Variants in PPARGC1A observed in about 807,000 individuals in gnomAD.
PPARGC1A encodes the protein PPARG coactivator 1 alpha, also known as peroxisome proliferator-activated receptor gamma coactivator 1-alpha.
In PPARGC1A, 25 loss-of-function variants were observed where a neutral mutation model predicts 88.7. The observed-to-expected ratio is 0.28, with a 90% CI of 0.21 to 0.39. The LOEUF (loss-of-function observed/expected upper bound fraction) is 0.39. PPARGC1A is among the 10% of genes least tolerant of loss of function. The probability of loss-of-function intolerance (pLI) is 1.00; values close to 1 mark genes in which losing one functional copy is unlikely to be tolerated. For synonymous variants in PPARGC1A, 363 were observed against 355.6 expected, an observed-to-expected ratio of 1.02 and a Z score of -0.24; for missense variants, 880 against 968.7, an observed-to-expected ratio of 0.91 and a Z score of 1.22.
chr4:24,049,164 G>A, the PPARGC1A span, among the ~76,000 whole-genome samples: 1 of 150,176 alleles, frequency 6.7e-6, no homozygotes, highest in Non-Finnish European at 1.5e-5. Context: ...GTGTGTGTAA[G>A]AGGGAGAAAG....
chr4:24,317,554 C>CAAAAAAAAAAAAAAAAA, the PPARGC1A span, among the ~76,000 whole-genome samples: 27 of 14,286 alleles, frequency 1.9e-3, no homozygotes, highest in Admixed American at 5.1e-3. Flanking sequence ...GTTCAGAGGA[C>CAAAAAAAAAAAAAAAAA]TAAAAAAAAA....
the PPARGC1A span, among the ~76,000 whole-genome samples, chr4:24,412,466 A>C: frequency 2.6e-5 from 4 of 152,128 alleles, no homozygotes; most frequent in Non-Finnish European, 5.9e-5. Flanking sequence ...ATTGTTGGTA[A>C]ATAAAATTTT....
chr4:24,013,153 G>A, the PPARGC1A span, among the ~76,000 whole-genome samples: 25 of 152,264 alleles, frequency 1.6e-4, no homozygotes, highest in East Asian at 4.1e-3. Flanking sequence ...TAAGACGGAC[G>A]TGGCTCCTAC....
chr4:24,249,569 A>G, the PPARGC1A span, among the ~76,000 whole-genome samples: 1 of 152,304 alleles, frequency 6.6e-6, no homozygotes, highest in Middle Eastern at 3.4e-3. Flanking sequence ...ACAGTCAGAG[A>G]AGGAGGAACT....
chr4:24,034,070 G>A, the PPARGC1A span, among the ~76,000 whole-genome samples: 76 of 152,258 alleles, frequency 5.0e-4, no homozygotes, highest in South Asian at 0.012. Flanking sequence ...AAATAATTAC[G>A]TAGGTATCTG....
At chr4:24,381,851 C>A in the PPARGC1A span, among the ~76,000 whole-genome samples, 1 of 152,172 alleles carries the variant, frequency 6.6e-6, no homozygotes, top group Non-Finnish European at 1.5e-5. Flanking sequence ...TTTTATAGTA[C>A]AAAGTAGTTG....
chr4:24,330,089 C>G, the PPARGC1A span, among the ~76,000 whole-genome samples: 1 of 152,136 alleles, frequency 6.6e-6, no homozygotes, highest in Non-Finnish European at 1.5e-5. Flanking sequence ...TCAGTATTCT[C>G]TACTGATCTA....
the PPARGC1A span, among the ~76,000 whole-genome samples, chr4:24,328,699 GT>G: frequency 2.0e-5 from 3 of 151,960 alleles, no homozygotes; most frequent in East Asian, 3.9e-4. Flanking sequence ...AACTTGAGGG[GT>G]TTTTTTTCCA....
chr4:24,077,662 TG>T, the PPARGC1A span, among the ~76,000 whole-genome samples: 63 of 149,260 alleles, frequency 4.2e-4, 1 homozygote, highest in South Asian at 8.5e-4. Context: ...TGTGTGTGTG[TG>T]TGTGTGTGTT....
At chr4:24,327,107 T>C in the PPARGC1A span, among the ~76,000 whole-genome samples, 3 of 152,190 alleles carry the variant, frequency 2.0e-5, no homozygotes, top group Admixed American at 6.5e-5. Flanking sequence ...TAAAAAGGAC[T>C]GGACAATACT....
At chr4:23,919,258 A>G in the PPARGC1A span, among the ~76,000 whole-genome samples, 1 of 152,184 alleles carries the variant, frequency 6.6e-6, no homozygotes, top group Non-Finnish European at 1.5e-5. Context: ...GTCCTTATAA[A>G]TGGTAGTTTG....
chr4:24,011,227 G>T, the PPARGC1A span, among the ~76,000 whole-genome samples: 212 of 152,190 alleles, frequency 1.4e-3, no homozygotes, highest in African/African-American at 4.6e-3. Flanking sequence ...AAAACTTTCT[G>T]TCCCTTCTCT....
the PPARGC1A span, among the ~76,000 whole-genome samples, chr4:24,235,362 C>T: frequency 6.6e-6 from 1 of 152,164 alleles, no homozygotes; most frequent in Non-Finnish European, 1.5e-5. Context: ...CTGGGGCAGA[C>T]ATGGTCTTTC....
chr4:24,145,957 A>G, the PPARGC1A span, among the ~76,000 whole-genome samples: 1 of 152,182 alleles, frequency 6.6e-6, no homozygotes, highest in Non-Finnish European at 1.5e-5. Flanking sequence ...AGGTCCCAGG[A>G]GTATTTTCAT....
the PPARGC1A span, among the ~76,000 whole-genome samples, chr4:24,438,636 T>C: frequency 9.9e-5 from 15 of 152,192 alleles, no homozygotes; most frequent in Non-Finnish European, 2.2e-4. Context: ...GGCGCTATAA[T>C]GATAAACATT....
the PPARGC1A span, among the ~76,000 whole-genome samples, chr4:24,459,930 A>C: frequency 2.6e-5 from 4 of 152,266 alleles, no homozygotes; most frequent in Admixed American, 2.6e-4. Flanking sequence ...CCCAAATATA[A>C]GATGAGGTAG....
the PPARGC1A span, among the ~76,000 whole-genome samples, chr4:24,276,104 A>G: frequency 1.3e-5 from 2 of 152,208 alleles, no homozygotes; most frequent in African/African-American, 4.8e-5. Context: ...GACTTAATGA[A>G]AGTTTAGTGG....
At chr4:24,435,976 C>T in the PPARGC1A span, among the ~76,000 whole-genome samples, 1 of 152,202 alleles carries the variant, frequency 6.6e-6, no homozygotes, top group Non-Finnish European at 1.5e-5. Context: ...ATGTGTACCA[C>T]TCTTGTTTGT....
chr4:24,102,583 C>G, the PPARGC1A span, among the ~76,000 whole-genome samples: 1 of 152,214 alleles, frequency 6.6e-6, no homozygotes, highest in Admixed American at 6.5e-5. Context: ...CAAAGAGATG[C>G]AAAACTACAT....
Sources: allele counts gnomAD v4.1 joint callset (sites outside exome capture counted in the v4.1 genomes callset), GRCh38; gene constraint gnomAD v4.1.1; transcripts MANE v1.5; gene names NCBI Gene and HGNC (gene_info 2026-07-23, HGNC 2026-07-21).